The following ZNF195 variants were observed in gnomAD, a reference collection of about 807,000 sequenced individuals.
ZNF195 encodes hypoxia-regulated factor-1.
ZNF195 carries 11 observed loss-of-function variants against 19.5 expected under a neutral mutation model. That is an observed-to-expected ratio of 0.57 (90% CI 0.36 to 0.94). ZNF195 has a LOEUF of 0.94. ZNF195 is among the 40% of genes least tolerant of loss of function. The probability of loss-of-function intolerance (pLI) is 0.01; values close to 1 mark genes in which losing one functional copy is unlikely to be tolerated. For missense variants in ZNF195, 582 were observed against 709.0 expected (o/e 0.82, Z 2.03); for synonymous variants, 214 against 248.1 (o/e 0.86, Z 1.29).
intron 1 of ZNF195, among the ~76,000 whole-genome samples, chr11:3,374,940 C>T (rs1305099500): frequency 6.6e-6 from 1 of 152,184 alleles, no homozygotes; most frequent in Non-Finnish European, 1.5e-5. Flanking sequence ...ATTAAGGCTC[C>T]AAAATAGAGA....
chr11:3,359,800 T>C lies in ZNF195; in HGVS notation c.1208A>G (p.Asn403Ser). The change falls in exon 6 of 6, where the codon AAT becomes AGT. Residue 403 changes from asparagine to serine, a missense_variant. This residue lies in a region of ZNF195 where 407 missense variants were observed against 530.5 expected (regional missense o/e 0.77). Coordinates refer to ENST00000399602, the MANE Select transcript of ZNF195 (RefSeq NM_001130520.3). This position sits in a 1 kb window ranked among gnomAD's most constrained non-coding sequence, Gnocchi z 5.5. The stretch of plus-strand genomic sequence containing the variant: ...TTTGAAAGGTTTCCCTCCAATCTCA[T>C]TTCTCTGGTGTTTGGAAGGATTTGG... ...HSPNPSKHQR[N>S]EIGGKPFKCE... The C allele has an allele frequency of 1.2e-6, 2 of 1,614,126 alleles. No individual in the cohort carries two copies. Among genetic ancestry groups the C allele is most frequent in the Non-Finnish European group, 1.7e-6 (2 of 1,180,016 alleles).
intron 4 of ZNF195, 64 bp from the exon 5 acceptor site, chr11:3,360,852 G>A (rs574472009): frequency 1.1e-4 from 157 of 1,425,454 alleles, no homozygotes; most frequent in South Asian, 7.0e-4. Flanking sequence ...CCGCTCCTCC[G>A]CAGTATAGCA....
rs761024277 is a variant in ZNF195, at chr11:3,359,523, C to T, written c.1485G>A (p.Thr495=). The change falls in exon 6 of 6, where the codon ACG becomes ACA. Residue 495 remains threonine (T), a synonymous_variant. Transcript: ENST00000399602. This position sits in a 1 kb window ranked among gnomAD's most constrained non-coding sequence, Gnocchi z 5.5. ...TAAAGATGTTGCCACATTCTTCACA[C>T]GTGTAGGGTTTTTCTTCAGAATGAG... ...KRTHSEEKPY[T]CEECGNIFKQ... is the part of the protein sequence containing the mutation. 45 of 1,613,908 alleles carry T rather than the reference C, an allele frequency of 2.8e-5. No homozygotes were observed. Among genetic ancestry groups the T allele is most frequent in the Non-Finnish European group, 3.3e-5 (39 of 1,179,992 alleles).
At chr11:3,377,804 T>C (rs993194753) in intron 1 of ZNF195, 10 of 992,126 alleles carry the variant, frequency 1.0e-5, no homozygotes, top group Non-Finnish European at 1.2e-5. Context: ...ATACTGAAAC[T>C]GAGGAAAAAG....
chr11:3,373,632 G>A, intron 1 of ZNF195: 1 of 1,549,420 alleles, frequency 6.5e-7, no homozygotes, highest in Non-Finnish European at 8.7e-7. Context: ...TTCCTCTTAG[G>A]AAAGATTCTC....
chr11:3,359,598 T>C lies in ZNF195; in HGVS notation c.1410A>G (p.Glu470=). The C allele has an allele frequency of 6.2e-7, 1 of 1,613,948 alleles. No individual in the cohort carries two copies. Among genetic ancestry groups the C allele is most frequent in the Non-Finnish European group, 8.5e-7 (1 of 1,179,956 alleles). ...AGCAAGTTCTGAAGACCTTCCCACA[T>C]TCTTCACATTGGTAGGGTTTCTCTC... ...HTGEKPYQCE[E]CGKVFRTCSS... The change falls in exon 6 of 6, where the codon GAA becomes GAG. Residue 470 remains glutamate (E), a synonymous_variant. Transcript: ENST00000399602. This position sits in a 1 kb window ranked among gnomAD's most constrained non-coding sequence, Gnocchi z 5.5.
intron 3 of ZNF195, chr11:3,369,226 A>G (rs961517529): frequency 2.7e-5 from 6 of 223,102 alleles, no homozygotes; most frequent in African/African-American, 1.2e-4. Context: ...TTTTGCGCCA[A>G]TCTACTAACA....
intron 3 of ZNF195, among the ~76,000 whole-genome samples, chr11:3,363,768 A>C (rs1400475605): frequency 6.6e-6 from 1 of 152,226 alleles, no homozygotes; most frequent in African/African-American, 2.4e-5. Context: ...TTCAAAACAC[A>C]TTACAAGGCG....
chr11:3,375,241 A>G (rs931261846), intron 1 of ZNF195, among the ~76,000 whole-genome samples: 4 of 152,132 alleles, frequency 2.6e-5, no homozygotes, highest in African/African-American at 9.7e-5. Context: ...AGTATTTACA[A>G]TTCTGTTTTT....
rs766884356 is a variant in ZNF195 at position 3,360,301 on chromosome 11, A to G, written c.707T>C (p.Ile236Thr). 4.2e-5 allele frequency: 67 copies of G among 1,606,738 alleles called. No individual in the cohort carries two copies. The South Asian group carries it at 7.3e-4, about 18-fold the overall frequency. Residue 236 changes from isoleucine (I) to threonine (T), a missense_variant, in exon 6 of 6, where the codon ATA becomes ACA. Around this residue, in one of 3 missense-constraint regions of ZNF195, gnomAD observed 407 missense variants for 530.5 expected, o/e 0.77. Transcript: ENST00000399602. ...DNFSNLHRRN[I>T]SNTGEKPFKC... ...GAAAGGTTTCTCTCCAGTATTACTT[A>G]TATTACGTCTATGTAAATTTGAAAA...
At chr11:3,377,713 G>A in intron 1 of ZNF195, 1 of 1,116,578 alleles carries the variant, frequency 9.0e-7, no homozygotes, top group Non-Finnish European at 1.1e-6. Context: ...GCTGTCCTCT[G>A]AGAAATAACC....
intron 1 of ZNF195, among the ~76,000 whole-genome samples, chr11:3,376,107 C>T (rs1406851171): frequency 1.3e-5 from 2 of 152,180 alleles, no homozygotes; most frequent in African/African-American, 4.8e-5. Context: ...AAGTCCTCCC[C>T]AGCTTCCTTC....
chr11:3,360,087 G>A lies in ZNF195; in HGVS notation c.921C>T (p.Asn307=), dbSNP rs74049135. The A allele has an allele frequency of 2.8e-4, 450 of 1,614,026 alleles. 1 individual carries two copies. In the African/African-American group the frequency reaches 5.5e-3, roughly 20 times the overall value. ...TAAGGACTGAGCAAGTTTTAATGACGTTGTTACATTCTTGACACTTGTAAG... is the reference window on the plus strand; with the variant it reads ...TAAGGACTGAGCAAGTTTTAATGACATTGTTACATTCTTGACACTTGTAAG... The part of the protein sequence containing the change: ...EKPYKCQECN[N]VIKTCSVLTK... Residue 307 remains asparagine (N), a synonymous_variant, in exon 6 of 6, where the codon AAC becomes AAT. Coordinates refer to ENST00000399602, the MANE Select transcript of ZNF195 (RefSeq NM_001130520.3).
intron 3 of ZNF195, among the ~76,000 whole-genome samples, chr11:3,367,274 A>G (rs916185671): frequency 3.3e-5 from 5 of 152,054 alleles, no homozygotes; most frequent in African/African-American, 9.7e-5. Flanking sequence ...AATGTGGTAT[A>G]TACATACAAG....
At chr11:3,361,664 C>T in intron 4 of ZNF195, 79 bp downstream of exon 4, 1 of 1,212,448 alleles carries the variant, frequency 8.2e-7, no homozygotes, top group Non-Finnish European at 1.1e-6. Flanking sequence ...ACATTATAAC[C>T]ACAGTTTCCA....
intron 1 of ZNF195, among the ~76,000 whole-genome samples, chr11:3,371,931 A>G (rs1189961471): frequency 6.6e-6 from 1 of 152,244 alleles, no homozygotes; most frequent in African/African-American, 2.4e-5. Context: ...GGGCATCAAC[A>G]AAGGCATGTC....
At position 3,359,631 on chromosome 11, in the gene ZNF195, A is replaced by G. The variant is rs1848531506; in HGVS notation, c.1377T>C (p.Ile459=). ...QSSHLSEHRR[I]HTGEKPYQCE... ...ATTGGTAGGGTTTCTCTCCGGTGTG[A>G]ATCCTCCTGTGTTCACTGAGGTGTG... is the stretch of plus-strand genomic sequence containing the variant. Residue 459 remains isoleucine, a synonymous_variant, in exon 6 of 6, where the codon ATT becomes ATC. Coordinates refer to ENST00000399602, the MANE Select transcript of ZNF195 (RefSeq NM_001130520.3). This position sits in a 1 kb window ranked among gnomAD's most constrained non-coding sequence, Gnocchi z 5.5. 1 of 1,614,138 alleles carries G rather than the reference A, an allele frequency of 6.2e-7. No homozygotes were observed. The highest frequency in any genetic ancestry group is 8.5e-7 in the Non-Finnish European group (1 of 1,180,028).
chr11:3,359,968 T>G lies in ZNF195; in HGVS notation c.1040A>C (p.His347Pro). 2 of 1,614,170 alleles carry G rather than the reference T, an allele frequency of 1.2e-6. No individual in the cohort carries two copies. The highest frequency in any genetic ancestry group is 1.7e-6 in the Non-Finnish European group (2 of 1,180,032). ...TTTGCAGGGTTTTTCCTCAGTACCATGCTCATGTTCAGTAAGGTGGGAGCA... is the reference window on the plus strand; with the variant it reads ...TTTGCAGGGTTTTTCCTCAGTACCAGGCTCATGTTCAGTAAGGTGGGAGCA... Reference protein sequence around the residue: ...NQCSHLTEHEHGTEEKPCKYE... With the variant: ...NQCSHLTEHEPGTEEKPCKYE... The change falls in exon 6 of 6, where the codon CAT becomes CCT. Residue 347 changes from histidine to proline, a missense_variant. Coordinates refer to ENST00000399602, the MANE Select transcript of ZNF195 (RefSeq NM_001130520.3). The surrounding 1 kb of genome is among the most constrained non-coding windows in gnomAD (Gnocchi z 5.5).
chr11:3,362,658 C>A, intron 3 of ZNF195: 4 of 490,486 alleles, frequency 8.2e-6, no homozygotes, highest in African/African-American at 3.9e-5. Context: ...ATACAAAGTA[C>A]AAGACACAAA....
Sources: gnomAD v4.1 joint callset for allele counts (sites outside exome capture counted in the v4.1 genomes callset) on GRCh38, gnomAD v4.1.1 for gene constraint, gnomAD v4.1.1 regional missense constraint, Gnocchi (gnomAD v3.1) non-coding constraint, MANE v1.5 for transcripts, NCBI Gene and HGNC (gene_info 2026-07-23, HGNC 2026-07-21) for gene names.